The following TRAPPC8 variants were observed in gnomAD, a reference collection of about 807,000 sequenced individuals.
TRAPPC8 encodes general sporulation gene 1 homolog.
TRAPPC8 carries 54 observed loss-of-function variants against 174.3 expected under a neutral mutation model. That is an observed-to-expected ratio of 0.31 (90% CI 0.25 to 0.39). The LOEUF (loss-of-function observed/expected upper bound fraction) is 0.39. Ranked by LOEUF, TRAPPC8 falls within the 10% of genes least tolerant of loss-of-function variation. The pLI is 1.00. For missense variants in TRAPPC8, 1,531 were observed against 1,699.1 expected, an observed-to-expected ratio of 0.90 and a Z score of 1.74; for synonymous variants, 630 against 579.9, an observed-to-expected ratio of 1.09 and a Z score of -1.24.
chr18:31,838,175 G>A (rs996317212), intron 27 of TRAPPC8, among the ~76,000 whole-genome samples: 4 of 152,162 alleles, frequency 2.6e-5, no homozygotes, highest in Non-Finnish European at 4.4e-5. Context: ...TAAAGTCACT[G>A]TCAAGGTCTT....
intron 4 of TRAPPC8, 23 bp from the exon 5 acceptor site, chr18:31,913,545 A>C: frequency 1.3e-6 from 2 of 1,548,102 alleles, no homozygotes; most frequent in Non-Finnish European, 1.7e-6. Context: ...ATGGAAAAAA[A>C]TCTGAAGTAA....
At chr18:31,928,416 G>A (rs567678840) in intron 2 of TRAPPC8, among the ~76,000 whole-genome samples, 1 of 151,680 alleles carries the variant, frequency 6.6e-6, no homozygotes, top group Non-Finnish European at 1.5e-5. Flanking sequence ...CACCTACTCA[G>A]GAGGCTGAGA....
At chr18:31,903,076 C>G (rs2145442409) in intron 9 of TRAPPC8, among the ~76,000 whole-genome samples, 1 of 149,310 alleles carries the variant, frequency 6.7e-6, no homozygotes, top group Non-Finnish European at 1.5e-5. Flanking sequence ...ATAGCCCCTA[C>G]TCCTCTCCAG....
At chr18:31,901,993 A>G (rs1195513736) in intron 9 of TRAPPC8, among the ~76,000 whole-genome samples, 1 of 152,156 alleles carries the variant, frequency 6.6e-6, no homozygotes, top group Non-Finnish European at 1.5e-5. Flanking sequence ...TCACTGTAGT[A>G]TTTGACAGTT....
At chr18:31,889,231 G>A (rs994215964) in intron 12 of TRAPPC8, among the ~76,000 whole-genome samples, 3 of 152,102 alleles carry the variant, frequency 2.0e-5, no homozygotes, top group Admixed American at 6.5e-5. Flanking sequence ...AGGTGATTAC[G>A]AAGCCAGATA....
intron 2 of TRAPPC8, among the ~76,000 whole-genome samples, chr18:31,919,517 A>G (rs1354513978): frequency 1.4e-5 from 2 of 147,816 alleles, no homozygotes; most frequent in Non-Finnish European, 3.0e-5. Context: ...TGGGCAATAG[A>G]GTGAGACTCA....
At chr18:31,906,846 A>C (rs370241444) in intron 9 of TRAPPC8, among the ~76,000 whole-genome samples, 1 of 152,200 alleles carries the variant, frequency 6.6e-6, no homozygotes, top group African/African-American at 2.4e-5. Flanking sequence ...TAGGATTCGC[A>C]TATTTTACAG....
chr18:31,919,947 G>A (rs2037314005), intron 2 of TRAPPC8, among the ~76,000 whole-genome samples: 1 of 152,008 alleles, frequency 6.6e-6, no homozygotes, highest in Non-Finnish European at 1.5e-5. Flanking sequence ...GGCAAAAATT[G>A]GAGAATAAAT....
chr18:31,917,751 A>C (rs941271794), intron 2 of TRAPPC8, 84 bp from the exon 3 acceptor site: 54 of 1,235,926 alleles, frequency 4.4e-5, no homozygotes, highest in Non-Finnish European at 6.2e-5. Context: ...CATATTCCTA[A>C]AAGGTATAAA....
At chr18:31,844,867 G>A (rs1201059238) in intron 26 of TRAPPC8, among the ~76,000 whole-genome samples, 1 of 152,134 alleles carries the variant, frequency 6.6e-6, no homozygotes, top group Non-Finnish European at 1.5e-5. Flanking sequence ...ATCCAACACT[G>A]ATGAGGCAAA....
rs1212233776 is a variant in TRAPPC8, at chr18:31,908,303, A to G, written c.1238T>C (p.Leu413Pro). Residue 413 changes from leucine (L) to proline (P), a missense_variant and splice_region_variant, in exon 8 of 29, where the codon CTG becomes CCG. Leu to Pro is a moderately conservative substitution (Grantham distance 98). Transcript: ENST00000283351. ...ACAAAAATGATAACACTTTACTCACAGCAAGCCAGATGTATTTTTCAGGTC... is the reference window on the plus strand; with the variant it reads ...ACAAAAATGATAACACTTTACTCACGGCAAGCCAGATGTATTTTTCAGGTC... The part of the protein sequence containing the change: ...INDLKNTSGL[L>P]YPPEAPELQI... 6.3e-7 allele frequency: 1 copy of G among 1,594,700 alleles called. No individual in the cohort carries two copies. Among genetic ancestry groups the G allele is most frequent in the African/African-American group, 1.3e-5 (1 of 74,124 alleles).
chr18:31,887,203 C>A (rs2035756085), intron 12 of TRAPPC8, among the ~76,000 whole-genome samples: 1 of 152,052 alleles, frequency 6.6e-6, no homozygotes, highest in African/African-American at 2.4e-5. Flanking sequence ...ATATGCAAAT[C>A]AATAAAGGTA....
chr18:31,855,942 T>G, intron 20 of TRAPPC8, 135 bp from the exon 21 acceptor site: 2 of 960,538 alleles, frequency 2.1e-6, no homozygotes, highest in Non-Finnish European at 3.0e-6. Flanking sequence ...TAGAATACAT[T>G]AAGTAAAATT....
In TRAPPC8 at chr18:31,915,738, T is replaced by A. The variant is rs1277746877; in HGVS notation, c.617+534A>T. 3.3e-5 allele frequency among the ~76,000 whole-genome samples: 5 copies of A among 151,528 alleles called. No homozygotes were observed. The East Asian group carries it at 7.8e-4, about 24-fold the overall frequency. ...TCTCTACTAAAAAAAATACAAAAAA[T>A]TAGCCAGGTGCAGTGGCGGGCGCCT... is the stretch of plus-strand genomic sequence containing the variant. On this transcript the variant is annotated intron_variant, in intron 4 of 28. Coordinates refer to ENST00000283351, the MANE Select transcript of TRAPPC8 (RefSeq NM_014939.5).
At chr18:31,885,011 G>A (rs1408268856) in intron 12 of TRAPPC8, among the ~76,000 whole-genome samples, 15 of 151,192 alleles carry the variant, frequency 9.9e-5, no homozygotes, top group African/African-American at 3.2e-4. Flanking sequence ...CCGCCACCAC[G>A]CCCGGCTAAT....
rs996385096 is a variant in TRAPPC8 at position 31,868,643 on chromosome 18, G to A, written c.2389-1167C>T. Among the ~76,000 whole-genome samples, 4 of 151,896 alleles carry A rather than the reference G, an allele frequency of 2.6e-5. No homozygotes were observed. The East Asian group carries it at 7.7e-4, about 29-fold the overall frequency. ...AATATAAATAATACAAAATATCTTT[G>A]ACAAATTTAACCAGCAAGACTTATT... On this transcript the variant is annotated intron_variant, in intron 16 of 28. Transcript: ENST00000283351.
At chr18:31,845,091 T>C (rs1006878550) in intron 26 of TRAPPC8, 7 of 150,358 alleles carry the variant, frequency 4.7e-5, no homozygotes, top group African/African-American at 1.7e-4. Context: ...TGAAACCCCG[T>C]CTCTACTAAA....
intron 19 of TRAPPC8, among the ~76,000 whole-genome samples, chr18:31,860,907 C>T (rs1200281880): frequency 2.0e-5 from 3 of 152,190 alleles, no homozygotes. Flanking sequence ...AAACTGCTTT[C>T]ATCCATAGCT....
chr18:31,915,038 A>G (rs757885380), intron 4 of TRAPPC8, among the ~76,000 whole-genome samples: 1 of 152,376 alleles, frequency 6.6e-6, no homozygotes, highest in Non-Finnish European at 1.5e-5. Flanking sequence ...GGGAAGCAGA[A>G]AAGAACAAAG....
Sources: gnomAD v4.1 joint callset for allele counts (sites outside exome capture counted in the v4.1 genomes callset) on GRCh38, gnomAD v4.1.1 for gene constraint, MANE v1.5 for transcripts, NCBI Gene and HGNC (gene_info 2026-07-23, HGNC 2026-07-21) for gene names.